Variants in DIAPH3 observed in about 807,000 individuals in gnomAD.
DIAPH3 encodes the protein diaphanous related formin 3, also known as protein diaphanous homolog 3.
In DIAPH3, 117 loss-of-function variants were observed where a neutral mutation model predicts 144.3. That is an observed-to-expected ratio of 0.81 (90% CI 0.70 to 0.95). The LOEUF is 0.95. DIAPH3 is among the 40% of genes least tolerant of loss of function. DIAPH3 has a pLI of 0.00. For missense variants in DIAPH3, 1,421 were observed against 1,412.7 expected (o/e 1.01, Z -0.09); for synonymous variants, 519 against 488.9 (o/e 1.06, Z -0.81).
chr13:59,716,631 A>G (rs2035077185), intron 27 of DIAPH3, among the ~76,000 whole-genome samples: 1 of 152,186 alleles, frequency 6.6e-6, no homozygotes, highest in South Asian at 2.1e-4. Flanking sequence ...TGAAGTAGAC[A>G]TTATTATCAC....
At chr13:59,831,826 C>G (rs190007025) in intron 24 of DIAPH3, among the ~76,000 whole-genome samples, 1 of 151,884 alleles carries the variant, frequency 6.6e-6, no homozygotes, top group African/African-American at 2.4e-5. Context: ...TAACCCTTTA[C>G]TGTATAATAA....
chr13:60,030,132 T>A (rs2054680213), intron 5 of DIAPH3, among the ~76,000 whole-genome samples: 1 of 152,180 alleles, frequency 6.6e-6, no homozygotes. Flanking sequence ...CATTAATTAC[T>A]CTCAGTCCTC....
At chr13:59,924,480 C>T (rs1555632) in intron 18 of DIAPH3, among the ~76,000 whole-genome samples, 1 of 150,080 alleles carries the variant, frequency 6.7e-6, no homozygotes, top group African/African-American at 2.4e-5. Context: ...TTCCTTAAGT[C>T]TTTATTTTTA....
rs1235603106 is a variant in DIAPH3, at chr13:59,665,747, C to T, written c.*837G>A. The T allele has an allele frequency of 6.6e-6, 1 of 152,550 alleles. No homozygotes were observed. The highest frequency in any genetic ancestry group is 1.5e-5 in the Non-Finnish European group (1 of 68,024). The allele number at this position is 152,550 out of a possible 1,614,324, so 9.4% of individuals were successfully genotyped here. Reference sequence around the variant, plus strand: ...ATTGATTGTCAGATCAGAGAAATTGCAATCCCAAGTTTATTCATAAAATAA... The same window carrying T: ...ATTGATTGTCAGATCAGAGAAATTGTAATCCCAAGTTTATTCATAAAATAA... On this transcript the variant is annotated 3_prime_UTR_variant, in exon 28 of 28. Transcript: ENST00000400324.
At chr13:60,053,733 G>A (rs1006212179) in intron 4 of DIAPH3, among the ~76,000 whole-genome samples, 3 of 151,866 alleles carry the variant, frequency 2.0e-5, no homozygotes, top group Non-Finnish European at 4.4e-5. Context: ...TTTATTCAAT[G>A]TATAAGAATA....
intron 4 of DIAPH3, among the ~76,000 whole-genome samples, chr13:60,076,945 G>A (rs2057400940): frequency 6.6e-6 from 1 of 152,012 alleles, no homozygotes; most frequent in Non-Finnish European, 1.5e-5. Flanking sequence ...AATGTGAGAA[G>A]TATATATAAA....
At chr13:59,927,517 G>GGTA (rs1455404268) in intron 17 of DIAPH3, among the ~76,000 whole-genome samples, 6 of 152,086 alleles carry the variant, frequency 3.9e-5, no homozygotes, top group Non-Finnish European at 2.9e-5. Flanking sequence ...TTTTAACAGT[G>GGTA]GTAGATACAG....
intron 22 of DIAPH3, among the ~76,000 whole-genome samples, chr13:59,851,670 C>T (rs928206670): frequency 1.6e-5 from 2 of 121,954 alleles, no homozygotes; most frequent in Non-Finnish European, 1.6e-5. Flanking sequence ...GACAGCGTTT[C>T]GCTCTTTGCC....
chr13:60,144,945 A>G (rs767313559), intron 1 of DIAPH3: 11 of 152,178 alleles, frequency 7.2e-5, no homozygotes, highest in African/African-American at 1.2e-4. Flanking sequence ...TTTAGACCAA[A>G]TGGGCCTTTA....
chr13:59,880,617 A>C (rs1201978540), intron 20 of DIAPH3, among the ~76,000 whole-genome samples: 2 of 152,258 alleles, frequency 1.3e-5, no homozygotes, highest in Non-Finnish European at 2.9e-5. Context: ...AAAGGCTTAT[A>C]AGACTCCAAT....
Position 60,062,212 on chromosome 13 carries a change from T to A in DIAPH3, c.496-19392A>T, listed in dbSNP as rs187262998. 3.8e-3 allele frequency among the ~76,000 whole-genome samples: 585 copies of A among 152,306 alleles called. 1 individual carries two copies. The highest frequency in any genetic ancestry group is 6.3e-3 in the Non-Finnish European group (430 of 68,014). ...GAAAACAGGAACTCAAAAAACATTT[T>A]AAAAAATTTTTGTAATCCTTGATTA... is the stretch of plus-strand genomic sequence containing the variant. On this transcript the variant is annotated intron_variant, in intron 4 of 27. Transcript: ENST00000400324.
chr13:59,757,558 G>A (rs111654594), intron 27 of DIAPH3, among the ~76,000 whole-genome samples: 2,174 of 151,754 alleles, frequency 0.014, 52 homozygotes, highest in African/African-American at 0.049. Context: ...CCGCCACCAC[G>A]CCCGGCTAAT....
At chr13:60,042,954 T>C in intron 4 of DIAPH3, 134 bp from the exon 5 acceptor site, 1 of 1,000,070 alleles carries the variant, frequency 1.0e-6, no homozygotes, top group Non-Finnish European at 1.5e-6. Flanking sequence ...TGGTAAATAA[T>C]TTCCTTACTT....
chr13:60,017,442 A>G (rs2053732778), intron 5 of DIAPH3, among the ~76,000 whole-genome samples: 1 of 151,986 alleles, frequency 6.6e-6, no homozygotes, highest in South Asian at 2.1e-4. Context: ...AAAACAGAAC[A>G]CTATAAAGAA....
intron 27 of DIAPH3, among the ~76,000 whole-genome samples, chr13:59,681,860 T>C (rs1030452073): frequency 9.2e-5 from 14 of 152,330 alleles, no homozygotes; most frequent in African/African-American, 3.4e-4. Flanking sequence ...ATTCAGCTCC[T>C]GGCTCCAAAC....
At chr13:59,824,423 A>G (rs2041256086) in intron 24 of DIAPH3, among the ~76,000 whole-genome samples, 1 of 152,202 alleles carries the variant, frequency 6.6e-6, no homozygotes, top group South Asian at 2.1e-4. Context: ...AGATGCTCTG[A>G]TGCCAGAACT....
chr13:59,958,917 C>T (rs1441457088), intron 17 of DIAPH3, among the ~76,000 whole-genome samples: 2 of 143,256 alleles, frequency 1.4e-5, no homozygotes, highest in Non-Finnish European at 3.0e-5. Context: ...CTCCTGTTGC[C>T]CAGGCTGGAG....
At chr13:59,837,015 C>T (rs1419934468) in intron 23 of DIAPH3, among the ~76,000 whole-genome samples, 2 of 151,914 alleles carry the variant, frequency 1.3e-5, no homozygotes, top group African/African-American at 2.4e-5. Context: ...AACAAAGACT[C>T]GCAATGAATG....
At chr13:59,866,540 A>C (rs2043935665) in intron 21 of DIAPH3, among the ~76,000 whole-genome samples, 1 of 152,068 alleles carries the variant, frequency 6.6e-6, no homozygotes, top group Non-Finnish European at 1.5e-5. Flanking sequence ...AACAGACACC[A>C]CACTCCCTTG....
Sources: gnomAD v4.1 joint callset for allele counts (sites outside exome capture counted in the v4.1 genomes callset) on GRCh38, gnomAD v4.1.1 for gene constraint, MANE v1.5 for transcripts, NCBI Gene and HGNC (gene_info 2026-07-23, HGNC 2026-07-21) for gene names.